TMEM106B: variants seen among roughly 807,000 people sequenced by gnomAD.
The protein encoded by TMEM106B is transmembrane protein 106B.
A neutral mutation model predicts 31.1 loss-of-function variants in TMEM106B; 15 were observed. The ratio of observed to expected loss-of-function variants is 0.48; its 90% CI spans 0.32 to 0.74. The LOEUF (loss-of-function observed/expected upper bound fraction) is 0.74, where lower values mean the gene tolerates loss of function less well. Ranked by LOEUF, TMEM106B falls within the 30% of genes least tolerant of loss-of-function variation. TMEM106B has a pLI of 0.03. For synonymous variants in TMEM106B, 126 were observed against 112.5 expected, an observed-to-expected ratio of 1.12 and a Z score of -0.76; for missense variants, 283 against 327.3, an observed-to-expected ratio of 0.86 and a Z score of 1.04.
At chr7:12,218,361 G>C (rs1486331920) in intron 2 of TMEM106B, 97 bp from the exon 3 acceptor site, 1 of 937,444 alleles carries the variant, frequency 1.1e-6, no homozygotes, top group Non-Finnish European at 1.6e-6. Flanking sequence ...ATGAGTGCCA[G>C]ATGATATTCT....
At chr7:12,214,724 A>G (rs946409368) in intron 1 of TMEM106B, 85 bp from the exon 2 acceptor site, 70 of 1,115,530 alleles carry the variant, frequency 6.3e-5, no homozygotes, top group Middle Eastern at 3.0e-4. Flanking sequence ...TGACTGTTCT[A>G]AATTAATTAG....
rs1033413451 is a variant in TMEM106B, at chr7:12,218,605, A to G, written c.281+84A>G. 16 of 1,088,786 alleles carry G rather than the reference A, an allele frequency of 1.5e-5. No individual in the cohort carries two copies. The African/African-American group carries it at 1.6e-4, about 11-fold the overall frequency. 67.4% of individuals were successfully genotyped at this position (1,088,786 alleles called of 1,614,324 possible). A position where few individuals can be genotyped will look rare whatever the true frequency, so the allele number is the denominator to read the frequency against. On this transcript the variant is annotated intron_variant, in intron 3 of 7. Transcript: ENST00000396668. The stretch of plus-strand genomic sequence containing the variant: ...TTCAAATTATGTATAATAACTAGTT[A>G]AAACTATTAAAAGAAAAAATGCTGT...
chr7:12,224,368 A>G lies in TMEM106B; in HGVS notation c.424A>G (p.Ile142Val). The change falls in exon 4 of 8, where the codon ATT (isoleucine) becomes GTT (valine). Residue 142 changes from isoleucine to valine, a missense_variant. Ile to Val is a conservative substitution (Grantham distance 29). Transcript: ENST00000396668. ...YVSYDVQKRT[I>V]YLNITNTLNI... ...CAGTTATGATGTTCAGAAGCGTACA[A>G]TTTATTTAAATATCACAGTGAGTAT... 1.9e-6 allele frequency: 3 copies of G among 1,608,732 alleles called. No individual in the cohort carries two copies. The highest frequency in any genetic ancestry group is 1.7e-6 in the Non-Finnish European group (2 of 1,175,896).
chr7:12,218,333 A>G (rs2128524660), intron 2 of TMEM106B, 125 bp from the exon 3 acceptor site: 2 of 637,566 alleles, frequency 3.1e-6, no homozygotes, highest in Non-Finnish European at 5.0e-6. Context: ...AGACTTAGCA[A>G]TTTACTAAAG....
chr7:12,239,674 A>G lies in TMEM106B; in HGVS notation c.*7699A>G, dbSNP rs565277548. The G allele has an allele frequency of 2.1e-3, 313 of 152,234 alleles. 3 individuals carry two copies. The highest frequency in any genetic ancestry group is 6.9e-3 in the African/African-American group (288 of 41,540). 9.4% of individuals were successfully genotyped at this position (152,234 alleles called of 1,614,324 possible). On this transcript the variant is annotated 3_prime_UTR_variant, in exon 8 of 8. Transcript: ENST00000396668. ...AGGATTATTAATTGGCCTAATTTCA[A>G]TGTTATTTTGTCTCAAGGAGAGAGG...
chr7:12,212,839 G>T (rs978895943), intron 1 of TMEM106B, among the ~76,000 whole-genome samples: 2 of 152,106 alleles, frequency 1.3e-5, no homozygotes, highest in African/African-American at 4.8e-5. Flanking sequence ...TGTCTGTTTT[G>T]TTTAATCAAA....
chr7:12,231,151 G>C, intron 7 of TMEM106B, 36 bp downstream of exon 7: 1 of 1,492,198 alleles, frequency 6.7e-7, no homozygotes, highest in Non-Finnish European at 9.2e-7. Context: ...GATTTTGCTT[G>C]TTAACATTTT....
intron 3 of TMEM106B, among the ~76,000 whole-genome samples, chr7:12,222,855 T>C (rs188999185): frequency 2.2e-4 from 33 of 152,300 alleles, no homozygotes; most frequent in Admixed American, 1.4e-3. Flanking sequence ...CTAAGAAATA[T>C]TTATAAAATA....
In TMEM106B at chr7:12,218,525, A is replaced by C; in HGVS notation, c.281+4A>C. The C allele has an allele frequency of 6.2e-7, 1 of 1,607,664 alleles. No homozygotes were observed. Among genetic ancestry groups the C allele is most frequent in the Non-Finnish European group, 8.5e-7 (1 of 1,176,416 alleles). On this transcript the variant is annotated splice_donor_region_variant and intron_variant, in intron 3 of 7. Coordinates refer to ENST00000396668, the MANE Select transcript of TMEM106B (RefSeq NM_001134232.2). ...AGAGATTAAGGCCAAGAAGAACGTA[A>C]GTGATTCTAAGAATATGGCAGTGTT...
At chr7:12,219,834 A>G (rs996311964) in intron 3 of TMEM106B, among the ~76,000 whole-genome samples, 4 of 152,218 alleles carry the variant, frequency 2.6e-5, no homozygotes, top group Non-Finnish European at 5.9e-5. Flanking sequence ...AAGTCACATA[A>G]AGAAAACTAA....
At chr7:12,220,154 G>A (rs975713243) in intron 3 of TMEM106B, among the ~76,000 whole-genome samples, 5 of 151,990 alleles carry the variant, frequency 3.3e-5, no homozygotes, top group African/African-American at 1.2e-4. Flanking sequence ...AACAAACCAA[G>A]GATTTTATAA....
At position 12,229,713 on chromosome 7, in the gene TMEM106B, C is replaced by A. The variant is rs375896018; in HGVS notation, c.476C>A (p.Ser159Tyr). Residue 159 changes from serine to tyrosine, a missense_variant, in exon 5 of 8, where the codon TCT becomes TAT. Around this residue, in one of 3 missense-constraint regions of TMEM106B, gnomAD observed 201 missense variants for 211.5 expected, o/e 0.95. Transcript: ENST00000396668. ...TLNITNNNYY[S>Y]VEVENITAQV... ...AATATAACAAACAATAACTATTACTCTGTCGAAGTTGAAAACATCACTGCC... is the reference window on the plus strand; with the variant it reads ...AATATAACAAACAATAACTATTACTATGTCGAAGTTGAAAACATCACTGCC... The A allele has an allele frequency of 6.2e-7, 1 of 1,611,764 alleles. No individual in the cohort carries two copies. The highest frequency in any genetic ancestry group is 8.5e-7 in the Non-Finnish European group (1 of 1,179,304).
rs1043464119 is a variant in TMEM106B at position 12,231,569 on chromosome 7, T to A, written c.687-268T>A. The A allele has an allele frequency of 6.8e-5, 21 of 308,104 alleles. No homozygotes were observed. The East Asian group carries it at 9.7e-4, about 14-fold the overall frequency. The allele number at this position is 308,104 out of a possible 1,614,324, so 19.1% of individuals were successfully genotyped here. On this transcript the variant is annotated intron_variant, in intron 7 of 7. Transcript: ENST00000396668. ...AGAACCATGGTCACTTTTAAGCATA[T>A]AATGAACTTTTATATTTTTAACAGA...
Position 12,239,860 on chromosome 7 carries a change from A to G in TMEM106B, c.*7885A>G, listed in dbSNP as rs1424067285. The G allele has an allele frequency of 6.6e-6, 1 of 152,164 alleles. No homozygotes were observed. Among genetic ancestry groups the G allele is most frequent in the East Asian group, 1.9e-4 (1 of 5,192 alleles). The allele number at this position is 152,164 out of a possible 1,614,324, so 9.4% of individuals were successfully genotyped here. ...TAAAATAGGTTTAATAATAATGGAA[A>G]CATTTGAAATATTGCAAAAATTACC... is the stretch of plus-strand genomic sequence containing the variant. On this transcript the variant is annotated 3_prime_UTR_variant, in exon 8 of 8. Transcript: ENST00000396668.
chr7:12,231,162 G>T, intron 7 of TMEM106B, 47 bp downstream of exon 7: 5 of 1,433,424 alleles, frequency 3.5e-6, no homozygotes, highest in African/African-American at 1.4e-5. Context: ...TTAACATTTT[G>T]GATTTATAAC....
chr7:12,242,802 G>A lies in TMEM106B; in HGVS notation c.*10827G>A, dbSNP rs943227845. On this transcript the variant is annotated 3_prime_UTR_variant, in exon 8 of 8. Transcript: ENST00000396668. ...AAGCCTGTATCTGGTTTAAAAAAAA[G>A]AAGTGAATATTTTCAATACTTATGA... 1.3e-5 allele frequency: 2 copies of A among 151,976 alleles called. No individual in the cohort carries two copies. The highest frequency in any genetic ancestry group is 2.9e-5 in the Non-Finnish European group (2 of 67,976). 9.4% of individuals were successfully genotyped at this position (151,976 alleles called of 1,614,324 possible).
chr7:12,231,348 A>G (rs1782019069), intron 7 of TMEM106B: 3 of 408,156 alleles, frequency 7.4e-6, no homozygotes, highest in East Asian at 4.8e-5. Context: ...ACAAGAGTTC[A>G]GGAAAATGGA....
rs557712868 is a variant in TMEM106B, at chr7:12,216,351, A to T, written c.217+1324A>T. On this transcript the variant is annotated intron_variant, in intron 2 of 7. Coordinates refer to ENST00000396668, the MANE Select transcript of TMEM106B (RefSeq NM_001134232.2). ...TTGGGGGGGTTTGTTTGAGCAACTG[A>T]AAGAATGTAGTAGCAATTTATTAAA... is the stretch of plus-strand genomic sequence containing the variant. 4.7e-5 allele frequency among the ~76,000 whole-genome samples: 7 copies of T among 147,458 alleles called. No homozygotes were observed. In the East Asian group the frequency reaches 1.4e-3, roughly 29 times the overall value.
At chr7:12,221,074 G>C (rs991722200) in intron 3 of TMEM106B, among the ~76,000 whole-genome samples, 6 of 137,528 alleles carry the variant, frequency 4.4e-5, no homozygotes, top group African/African-American at 1.7e-4. Flanking sequence ...AGAGGGAGTG[G>C]ATAAGCAAGT....
Sources: allele counts gnomAD v4.1 joint callset (sites outside exome capture counted in the v4.1 genomes callset), GRCh38; gene constraint gnomAD v4.1.1; regional missense constraint gnomAD v4.1.1; transcripts MANE v1.5; gene names NCBI Gene and HGNC (gene_info 2026-07-23, HGNC 2026-07-21).